The following THSD4 variants were observed in gnomAD, a reference collection of about 807,000 sequenced individuals.
The protein encoded by THSD4 is thrombospondin type-1 domain-containing protein 4.
THSD4 carries 69 observed loss-of-function variants against 119.0 expected under a neutral mutation model. The ratio of observed to expected loss-of-function variants is 0.58; its 90% CI spans 0.48 to 0.71. The LOEUF (loss-of-function observed/expected upper bound fraction) is 0.71. THSD4 is among the 30% of genes least tolerant of loss of function. The probability of loss-of-function intolerance (pLI) is 0.00; values close to 1 mark genes in which losing one functional copy is unlikely to be tolerated. For synonymous variants in THSD4, 524 were observed against 540.4 expected (o/e 0.97, Z 0.42); for missense variants, 1,393 against 1,391.1 (o/e 1.00, Z -0.02).
At chr15:71,323,983 T>G (rs1233238814) in intron 6 of THSD4, among the ~76,000 whole-genome samples, 2 of 152,210 alleles carry the variant, frequency 1.3e-5, no homozygotes, top group Non-Finnish European at 2.9e-5. Flanking sequence ...CTTGCTTTTC[T>G]CATGCGGCAC....
In THSD4 at chr15:71,535,410, T is replaced by C. The variant is rs536489770; in HGVS notation, c.1152+123587T>C. Among the ~76,000 whole-genome samples, 4 of 152,340 alleles carry C rather than the reference T, an allele frequency of 2.6e-5. No individual in the cohort carries two copies. In the East Asian group the frequency reaches 5.8e-4, roughly 22 times the overall value. On this transcript the variant is annotated intron_variant, in intron 7 of 17. Coordinates refer to ENST00000261862, the MANE Select transcript of THSD4 (RefSeq NM_024817.3). Reference sequence around the variant, plus strand: ...GATGGATATTTGAGTTACGTCCATTTCGGGGGTTGGGCTATCATGAATAAT... The same window carrying C: ...GATGGATATTTGAGTTACGTCCATTCCGGGGGTTGGGCTATCATGAATAAT...
chr15:71,225,753 C>G (rs976439635), intron 4 of THSD4, among the ~76,000 whole-genome samples: 5 of 151,922 alleles, frequency 3.3e-5, no homozygotes, highest in African/African-American at 1.2e-4. Flanking sequence ...GTTGGCTAGG[C>G]TGGTCTCGAA....
intron 14 of THSD4, among the ~76,000 whole-genome samples, chr15:71,755,753 T>C (rs181309911): frequency 5.2e-5 from 3 of 57,212 alleles, no homozygotes; most frequent in African/African-American, 1.7e-4. Context: ...CAAATAACCA[T>C]AATACAAAGG....
chr15:71,428,475 C>T (rs772397106), intron 7 of THSD4, among the ~76,000 whole-genome samples: 8 of 152,120 alleles, frequency 5.3e-5, no homozygotes, highest in Non-Finnish European at 1.2e-4. Flanking sequence ...GCTGCTTAGC[C>T]TAATGATGAC....
chr15:71,690,615 T>A (rs1297126655), intron 8 of THSD4, among the ~76,000 whole-genome samples: 1 of 152,168 alleles, frequency 6.6e-6, no homozygotes, highest in Non-Finnish European at 1.5e-5. Flanking sequence ...TAAAGACATC[T>A]CCTAGACTGG....
chr15:71,518,170 T>A (rs923915227), intron 7 of THSD4, among the ~76,000 whole-genome samples: 1 of 152,144 alleles, frequency 6.6e-6, no homozygotes, highest in African/African-American at 2.4e-5. Context: ...ATTGAAAGTT[T>A]CCCTTACTTC....
intron 6 of THSD4, among the ~76,000 whole-genome samples, chr15:71,289,564 T>C (rs1476683898): frequency 1.3e-5 from 2 of 152,176 alleles, no homozygotes; most frequent in Non-Finnish European, 2.9e-5. Flanking sequence ...GGTCCAGTTT[T>C]CAAAGGAACT....
intron 1 of THSD4, among the ~76,000 whole-genome samples, chr15:71,109,623 G>A (rs1397419060): frequency 6.6e-6 from 1 of 152,120 alleles, no homozygotes; most frequent in Non-Finnish European, 1.5e-5. Context: ...AGCAATGGCG[G>A]TGTAGTGTTT....
intron 7 of THSD4, among the ~76,000 whole-genome samples, chr15:71,651,624 C>G (rs1165968621): frequency 6.7e-6 from 1 of 150,162 alleles, no homozygotes; most frequent in Admixed American, 6.7e-5. Flanking sequence ...TTTGGAAATA[C>G]AAGATTTGAA....
intron 1 of THSD4, among the ~76,000 whole-genome samples, chr15:71,138,828 T>A (rs1385507593): frequency 6.6e-6 from 1 of 152,010 alleles, no homozygotes; most frequent in Non-Finnish European, 1.5e-5. Flanking sequence ...GTTTAAAGAG[T>A]GTAGTTCTCC....
At chr15:71,151,365 T>C (rs1388652032) in intron 2 of THSD4, among the ~76,000 whole-genome samples, 1 of 151,808 alleles carries the variant, frequency 6.6e-6, no homozygotes, top group Non-Finnish European at 1.5e-5. Context: ...TGTAACATGT[T>C]TATGGAGCTG....
At chr15:71,480,620 T>C (rs1232389141) in intron 7 of THSD4, among the ~76,000 whole-genome samples, 1 of 152,240 alleles carries the variant, frequency 6.6e-6, no homozygotes, top group Non-Finnish European at 1.5e-5. Context: ...CTCTGCTCCC[T>C]GAGCCTCTTA....
chr15:71,202,859 C>T (rs2043814757), intron 3 of THSD4, among the ~76,000 whole-genome samples: 1 of 152,166 alleles, frequency 6.6e-6, no homozygotes, highest in Non-Finnish European at 1.5e-5. Context: ...CACTGCTTCC[C>T]AGCAGCGTAA....
chr15:71,547,065 T>G lies in THSD4; in HGVS notation c.1153-113465T>G, dbSNP rs559781540. 1.8e-4 allele frequency among the ~76,000 whole-genome samples: 27 copies of G among 152,308 alleles called. No individual in the cohort carries two copies. In the South Asian group the frequency reaches 5.6e-3, roughly 32 times the overall value. On this transcript the variant is annotated intron_variant, in intron 7 of 17. Transcript: ENST00000261862. Reference sequence around the variant, plus strand: ...CCCCCTGCATGTGGCGTGCTTACCTTGGAACCCTTTTCATGAATGAGACCA... The same window carrying G: ...CCCCCTGCATGTGGCGTGCTTACCTGGGAACCCTTTTCATGAATGAGACCA...
chr15:71,472,464 A>G (rs1481642536), intron 7 of THSD4, among the ~76,000 whole-genome samples: 1 of 152,168 alleles, frequency 6.6e-6, no homozygotes, highest in Non-Finnish European at 1.5e-5. Context: ...CCTTTCCAAC[A>G]AGACTTGGAC....
chr15:71,716,694 G>A lies in THSD4; in HGVS notation c.1358-11855G>A, dbSNP rs577463188. ...TGGGCTGTTATCCTGCCCAGCCACG[G>A]TGCACACCTGACCGCACACTATCAT... is the stretch of plus-strand genomic sequence containing the variant. On this transcript the variant is annotated intron_variant, in intron 8 of 17. Transcript: ENST00000261862. Among the ~76,000 whole-genome samples the A allele has an allele frequency of 2.9e-4, 44 of 152,048 alleles. 1 individual carries two copies. In the South Asian group the frequency reaches 8.7e-3, roughly 30 times the overall value.
At chr15:71,210,917 C>T (rs1270319426) in intron 3 of THSD4, among the ~76,000 whole-genome samples, 1 of 152,022 alleles carries the variant, frequency 6.6e-6, no homozygotes, top group African/African-American at 2.4e-5. Flanking sequence ...GTTGTTCTTA[C>T]AAAATATGAT....
chr15:71,383,793 A>G (rs1246895518), intron 6 of THSD4, among the ~76,000 whole-genome samples: 1 of 152,356 alleles, frequency 6.6e-6, no homozygotes, highest in East Asian at 1.9e-4. Context: ...CAGGATAACA[A>G]TCATTTACAT....
intron 7 of THSD4, among the ~76,000 whole-genome samples, chr15:71,496,009 C>T (rs972651281): frequency 6.6e-6 from 1 of 152,168 alleles, no homozygotes; most frequent in Non-Finnish European, 1.5e-5. Context: ...CAGTAAACCA[C>T]CAGCATAGGC....
Sources: allele counts gnomAD v4.1 joint callset (sites outside exome capture counted in the v4.1 genomes callset), GRCh38; gene constraint gnomAD v4.1.1; transcripts MANE v1.5; gene names NCBI Gene and HGNC (gene_info 2026-07-23, HGNC 2026-07-21).